The following DPP4 variants were observed in gnomAD, a reference collection of about 807,000 sequenced individuals.
DPP4 encodes the protein ADCP-2.
DPP4 carries 93 observed loss-of-function variants against 122.4 expected under a neutral mutation model. The ratio of observed to expected loss-of-function variants is 0.76; its 90% CI spans 0.64 to 0.90. The LOEUF (loss-of-function observed/expected upper bound fraction) is 0.90. Among genes scored for constraint, DPP4 ranks in the 40% least tolerant of loss-of-function variants. The pLI is 0.00. For synonymous variants in DPP4, 321 were observed against 302.9 expected (o/e 1.06, Z -0.62); for missense variants, 914 against 907.3 (o/e 1.01, Z -0.09).
intron 10 of DPP4, 36 bp downstream of exon 10, chr2:162,033,505 T>C: frequency 6.5e-7 from 1 of 1,539,020 alleles, no homozygotes; most frequent in Non-Finnish European, 8.9e-7. Flanking sequence ...AGTGTAAAAC[T>C]GTTTACAAGC....
intron 18 of DPP4, 114 bp from the exon 19 acceptor site, chr2:162,014,579 A>T (rs1682846106): frequency 1.4e-6 from 1 of 702,018 alleles, no homozygotes. Context: ...TTGTTAAATG[A>T]GAGTAGAAAA....
chr2:162,069,443 A>G (rs1452484063), intron 2 of DPP4, among the ~76,000 whole-genome samples: 1 of 152,224 alleles, frequency 6.6e-6, no homozygotes, highest in African/African-American at 2.4e-5. Context: ...TTCTCTGACC[A>G]TCAACTGAGT....
At chr2:161,994,845 A>C in intron 25 of DPP4, 116 bp downstream of exon 25, 6 of 966,804 alleles carry the variant, frequency 6.2e-6, no homozygotes, top group East Asian at 5.2e-5. Context: ...TTGAAAAAAA[A>C]ATTTTTAATG....
chr2:162,037,960 G>A (rs73971538), intron 8 of DPP4, among the ~76,000 whole-genome samples: 4,233 of 152,042 alleles, frequency 0.028, 209 homozygotes, highest in African/African-American at 0.096. Flanking sequence ...AGTAACTTTC[G>A]GGTTAGGTAG....
At chr2:162,037,107 G>A (rs1164186101) in intron 8 of DPP4, among the ~76,000 whole-genome samples, 1 of 152,166 alleles carries the variant, frequency 6.6e-6, no homozygotes, top group East Asian at 1.9e-4. Flanking sequence ...TTCCTTCTAG[G>A]AACTGAAGCT....
At chr2:162,005,066 T>C (rs1381891631) in intron 23 of DPP4, among the ~76,000 whole-genome samples, 1 of 152,240 alleles carries the variant, frequency 6.6e-6, no homozygotes, top group Non-Finnish European at 1.5e-5. Flanking sequence ...GCTGCATCAA[T>C]GTGGCACCAG....
chr2:162,033,840 G>A (rs1683657015), intron 9 of DPP4, among the ~76,000 whole-genome samples, 187 bp from the exon 10 acceptor site: 1 of 128,828 alleles, frequency 7.8e-6, no homozygotes, highest in Admixed American at 8.2e-5. Flanking sequence ...CCTTTTCATG[G>A]TCAGGCAGAA....
At chr2:162,006,865 T>C (rs917968423) in intron 22 of DPP4, among the ~76,000 whole-genome samples, 3 of 152,128 alleles carry the variant, frequency 2.0e-5, no homozygotes, top group South Asian at 2.1e-4. Context: ...GGTTGGTGGC[T>C]TGAATTTCAC....
intron 10 of DPP4, among the ~76,000 whole-genome samples, chr2:162,032,574 G>A (rs1683587858): frequency 6.6e-6 from 1 of 152,080 alleles, no homozygotes; most frequent in South Asian, 2.1e-4. Flanking sequence ...CTGTACTCAG[G>A]AGGCTGAGGC....
chr2:162,049,945 T>C (rs1559722207), intron 2 of DPP4, among the ~76,000 whole-genome samples: 1 of 152,176 alleles, frequency 6.6e-6, no homozygotes, highest in East Asian at 1.9e-4. Context: ...AAAACTAAAG[T>C]ATTTTTTTTT....
chr2:162,072,184 T>C (rs888532774), intron 2 of DPP4, among the ~76,000 whole-genome samples: 3 of 152,224 alleles, frequency 2.0e-5, no homozygotes, highest in African/African-American at 7.2e-5. Flanking sequence ...TGGAACATAA[T>C]GTAAGCCTGT....
chr2:162,027,786 T>G (rs978202838), intron 10 of DPP4, among the ~76,000 whole-genome samples: 11 of 152,088 alleles, frequency 7.2e-5, no homozygotes, highest in Non-Finnish European at 1.3e-4. Flanking sequence ...TTGAAAACAT[T>G]GAGTAATGGA....
intron 5 of DPP4, among the ~76,000 whole-genome samples, chr2:162,043,007 C>G (rs1490639678): frequency 6.6e-6 from 1 of 152,038 alleles, no homozygotes; most frequent in Admixed American, 6.6e-5. Flanking sequence ...GAGAAGCTTC[C>G]ATGAGGAAGC....
chr2:162,057,424 G>T (rs1261282268), intron 2 of DPP4, among the ~76,000 whole-genome samples: 1 of 152,146 alleles, frequency 6.6e-6, no homozygotes, highest in Non-Finnish European at 1.5e-5. Flanking sequence ...AGCCTCATCT[G>T]CAGGATTCTT....
intron 10 of DPP4, among the ~76,000 whole-genome samples, chr2:162,026,165 C>T (rs1683324711): frequency 6.6e-6 from 1 of 152,156 alleles, no homozygotes; most frequent in African/African-American, 2.4e-5. Context: ...CCTAATCACA[C>T]AACAGACATT....
chr2:162,032,416 AGTGGCTCTCGCCT>A (rs11271180), intron 10 of DPP4, among the ~76,000 whole-genome samples: 3,758 of 152,298 alleles, frequency 0.025, 161 homozygotes, highest in African/African-American at 0.086. Context: ...GGCCGGGCTC[AGTGGCTCTCGCCT>A]GTAATCCCAG....
intron 17 of DPP4, 32 bp downstream of exon 17, chr2:162,017,076 A>G: frequency 6.2e-7 from 1 of 1,600,574 alleles, no homozygotes; most frequent in Non-Finnish European, 8.5e-7. Context: ...ACTTTCTTAG[A>G]AACAAATGAA....
At chr2:162,070,034 C>T (rs35280626) in intron 2 of DPP4, among the ~76,000 whole-genome samples, 30,523 of 151,994 alleles carry the variant, frequency 0.2, 3,847 homozygotes, top group Non-Finnish European at 0.29. Context: ...ATAAAGGAAT[C>T]ATAAATGCTG....
intron 19 of DPP4, among the ~76,000 whole-genome samples, chr2:162,013,564 C>G (rs1682789691): frequency 6.6e-6 from 1 of 151,974 alleles, no homozygotes; most frequent in African/African-American, 2.4e-5. Context: ...GACATTATGT[C>G]CCTGACCTTC....
Sources: gnomAD v4.1 joint callset for allele counts (sites outside exome capture counted in the v4.1 genomes callset) on GRCh38, gnomAD v4.1.1 for gene constraint, MANE v1.5 for transcripts, NCBI Gene and HGNC (gene_info 2026-07-23, HGNC 2026-07-21) for gene names.